ITCH: variants seen among roughly 807,000 people sequenced by gnomAD.
ITCH encodes E3 ubiquitin-protein ligase Itchy homolog.
ITCH carries 28 observed loss-of-function variants against 126.8 expected under a neutral mutation model. The observed-to-expected ratio is 0.22, with a 90% CI of 0.16 to 0.30. The LOEUF (loss-of-function observed/expected upper bound fraction) is 0.30, where lower values mean the gene tolerates loss of function less well. Ranked by LOEUF, ITCH falls within the 10% of genes least tolerant of loss-of-function variation. The probability of loss-of-function intolerance (pLI) is 1.00; values close to 1 mark genes in which losing one functional copy is unlikely to be tolerated. For missense variants in ITCH, 631 were observed against 1,032.4 expected (o/e 0.61, Z 5.33); for synonymous variants, 342 against 340.0 (o/e 1.01, Z -0.06).
intron 20 of ITCH, among the ~76,000 whole-genome samples, chr20:34,482,612 T>C (rs1988832627): frequency 6.6e-6 from 1 of 152,218 alleles, no homozygotes; most frequent in Non-Finnish European, 1.5e-5. Context: ...AACACTGCCC[T>C]TGGGGCTTTG....
intron 1 of ITCH, among the ~76,000 whole-genome samples, chr20:34,364,929 G>A (rs2037360244): frequency 6.6e-6 from 1 of 151,076 alleles, no homozygotes; most frequent in Admixed American, 6.6e-5. Flanking sequence ...GATGGGTGTG[G>A]TGGCTCACGC....
At chr20:34,421,065 AG>A (rs1224924724) in intron 6 of ITCH, among the ~76,000 whole-genome samples, 1 of 152,152 alleles carries the variant, frequency 6.6e-6, no homozygotes, top group East Asian at 1.9e-4. Context: ...TGGATAACCC[AG>A]TTTTTCACAT....
intron 7 of ITCH, among the ~76,000 whole-genome samples, chr20:34,437,157 T>C (rs1983117861): frequency 6.6e-6 from 1 of 151,898 alleles, no homozygotes. Flanking sequence ...AAAAAAACTA[T>C]GTGAGGAGAG....
At chr20:34,418,757 CTTTTTT>C (rs373974620) in intron 6 of ITCH, among the ~76,000 whole-genome samples, 3 of 116,532 alleles carry the variant, frequency 2.6e-5, no homozygotes, top group Non-Finnish European at 5.1e-5. Flanking sequence ...TCTTTTTTTC[CTTTTTT>C]TTTTTTTTTT....
intron 22 of ITCH, among the ~76,000 whole-genome samples, chr20:34,491,536 T>C (rs1284496963): frequency 6.6e-6 from 1 of 151,976 alleles, no homozygotes; most frequent in Non-Finnish European, 1.5e-5. Context: ...ATGGTTAAAA[T>C]CGAGAATTTA....
chr20:34,407,470 T>C (rs1978322444), intron 3 of ITCH, among the ~76,000 whole-genome samples: 1 of 152,138 alleles, frequency 6.6e-6, no homozygotes, highest in Non-Finnish European at 1.5e-5. Flanking sequence ...GGTTTCGCCA[T>C]GTTGGCCAGG....
At chr20:34,372,161 T>A (rs1032428705) in intron 2 of ITCH, among the ~76,000 whole-genome samples, 1 of 150,762 alleles carries the variant, frequency 6.6e-6, no homozygotes, top group African/African-American at 2.4e-5. Flanking sequence ...AAAAATTAGC[T>A]GGGCGTGGTG....
intron 3 of ITCH, chr20:34,401,711 A>G: frequency 1.3e-6 from 1 of 785,794 alleles, no homozygotes; most frequent in Non-Finnish European, 1.5e-6. Context: ...TGGTTAATGA[A>G]TTAAAAAAAA....
chr20:34,386,897 A>T (rs776350902), intron 2 of ITCH, among the ~76,000 whole-genome samples: 18 of 152,114 alleles, frequency 1.2e-4, no homozygotes, highest in Non-Finnish European at 2.5e-4. Context: ...CTGCCTTTTC[A>T]GTAAGATGTT....
At chr20:34,494,970 C>T (rs6059872) in intron 23 of ITCH, among the ~76,000 whole-genome samples, 1 of 150,044 alleles carries the variant, frequency 6.7e-6, no homozygotes, top group Non-Finnish European at 1.5e-5. Context: ...AAAATACATA[C>T]ACTGGGCGCG....
At chr20:34,396,717 A>G (rs1232208424) in intron 3 of ITCH, among the ~76,000 whole-genome samples, 3 of 151,816 alleles carry the variant, frequency 2.0e-5, no homozygotes, top group African/African-American at 7.3e-5. Context: ...GGCTAATGAT[A>G]TTGTCTTTTC....
intron 6 of ITCH, chr20:34,417,116 G>C (rs113035282): frequency 1.5e-6 from 1 of 654,274 alleles, no homozygotes; most frequent in African/African-American, 1.8e-5. Context: ...TTTTTTTTTA[G>C]ATGGGGTTTC....
intron 7 of ITCH, among the ~76,000 whole-genome samples, chr20:34,435,130 C>T (rs1982836196): frequency 6.6e-6 from 1 of 151,776 alleles, no homozygotes; most frequent in Non-Finnish European, 1.5e-5. Flanking sequence ...TTCCCTAGCT[C>T]CCAGGAGTCT....
intron 12 of ITCH, among the ~76,000 whole-genome samples, chr20:34,450,348 A>T (rs956655227): frequency 6.6e-6 from 1 of 152,218 alleles, no homozygotes; most frequent in Admixed American, 6.5e-5. Context: ...CAAGGTTCAG[A>T]GTTTGGTTAA....
intron 2 of ITCH, among the ~76,000 whole-genome samples, chr20:34,374,723 T>C (rs1198681879): frequency 1.3e-5 from 2 of 151,944 alleles, no homozygotes; most frequent in Non-Finnish European, 2.9e-5. Flanking sequence ...AAAGCAGCTT[T>C]GGCTTACAAT....
rs114716618 is a variant in ITCH at position 34,497,878 on chromosome 20, G to A, written c.2416+5281G>A. On this transcript the variant is annotated intron_variant, in intron 23 of 24. Coordinates refer to ENST00000374864, the MANE Select transcript of ITCH (RefSeq NM_031483.7). ...CAGGCATGAGCCACTACACCCAGCC[G>A]TCATTGGTATTTCTGTAGGGATTGC... is the stretch of plus-strand genomic sequence containing the variant. Among the ~76,000 whole-genome samples the A allele has an allele frequency of 4.5e-3, 687 of 152,288 alleles. 5 individuals are homozygous for A. The highest frequency in any genetic ancestry group is 0.016 in the African/African-American group (651 of 41,562).
At chr20:34,458,495 G>C (rs1986228410) in intron 13 of ITCH, among the ~76,000 whole-genome samples, 1 of 152,170 alleles carries the variant, frequency 6.6e-6, no homozygotes, top group Admixed American at 6.5e-5. Flanking sequence ...TTTGTAACAT[G>C]TTATAATAGT....
At chr20:34,370,469 G>T (rs1372413858) in intron 2 of ITCH, among the ~76,000 whole-genome samples, 1 of 152,038 alleles carries the variant, frequency 6.6e-6, no homozygotes, top group Non-Finnish European at 1.5e-5. Context: ...TTTGAAACCA[G>T]TCTGGTCAAC....
chr20:34,511,694 A>G lies in ITCH; in HGVS notation c.*3900A>G, dbSNP rs1416880171. 5.3e-5 allele frequency among the ~76,000 whole-genome samples: 8 copies of G among 152,240 alleles called. No individual in the cohort carries two copies. Among genetic ancestry groups the G allele is most frequent in the East Asian group, 3.8e-4 (2 of 5,202 alleles). ...GATCCCAAGACCAACTCAAAACTAC[A>G]AAGTTTTCCAGAGCTTATTTACATT... On this transcript the variant is annotated 3_prime_UTR_variant, in exon 25 of 25. Transcript: ENST00000374864.
Sources: gnomAD v4.1 joint callset for allele counts (sites outside exome capture counted in the v4.1 genomes callset) on GRCh38, gnomAD v4.1.1 for gene constraint, MANE v1.5 for transcripts, NCBI Gene and HGNC (gene_info 2026-07-23, HGNC 2026-07-21) for gene names.